CSMD1: variants seen among roughly 807,000 people sequenced by gnomAD.
CSMD1 encodes CUB and Sushi multiple domains 1.
Under a neutral mutation model 417.5 loss-of-function variants are expected in CSMD1, and 213 were observed. The ratio of observed to expected loss-of-function variants is 0.51; its 90% CI spans 0.46 to 0.57. The LOEUF (loss-of-function observed/expected upper bound fraction) is 0.57, where lower values mean the gene tolerates loss of function less well. Among genes scored for constraint, CSMD1 ranks in the 20% least tolerant of loss-of-function variants. The probability of loss-of-function intolerance (pLI) is 0.00; values close to 1 mark genes in which losing one functional copy is unlikely to be tolerated. For missense variants in CSMD1, 6,923 were observed against 4,529.7 expected (o/e 1.53, Z -15.17); for synonymous variants, 2,862 against 1,736.8 (o/e 1.65, Z -16.11).
chr8:4,305,160 T>A (rs185128376), intron 3 of CSMD1, among the ~76,000 whole-genome samples: 29 of 152,358 alleles, frequency 1.9e-4, no homozygotes, highest in African/African-American at 7.0e-4. Flanking sequence ...TTTTGAAAGA[T>A]AGTTTTTAAC....
intron 7 of CSMD1, among the ~76,000 whole-genome samples, chr8:3,646,730 G>A (rs963132717): frequency 1.3e-5 from 2 of 152,072 alleles, no homozygotes; most frequent in African/African-American, 4.8e-5. Context: ...TGGCTCCGGT[G>A]CCTCCTCTGA....
chr8:3,041,927 G>C (rs537248455), intron 50 of CSMD1, among the ~76,000 whole-genome samples: 1 of 152,114 alleles, frequency 6.6e-6, no homozygotes, highest in Non-Finnish European at 1.5e-5. Context: ...TTGACATCAC[G>C]GTCCTCTTGG....
At chr8:4,295,666 T>C in intron 3 of CSMD1, among the ~76,000 whole-genome samples, 1 of 144,644 alleles carries the variant, frequency 6.9e-6, no homozygotes, top group South Asian at 2.1e-4. Flanking sequence ...AATCTTAAGA[T>C]TACATATGTT....
In CSMD1 at chr8:3,666,682, A is replaced by G. The variant is rs551169123; in HGVS notation, c.1009+41732T>C. On this transcript the variant is annotated intron_variant, in intron 7 of 69. Coordinates refer to ENST00000635120, the MANE Select transcript of CSMD1 (RefSeq NM_033225.6). ...CCCCATACTGTTCTCATGGTAGTGAATAAGTCTCATGCAATCTGATGTCTT... is the reference window on the plus strand; with the variant it reads ...CCCCATACTGTTCTCATGGTAGTGAGTAAGTCTCATGCAATCTGATGTCTT... Among the ~76,000 whole-genome samples, 39 of 152,308 alleles carry G rather than the reference A, an allele frequency of 2.6e-4. No individual in the cohort carries two copies. The East Asian group carries it at 5.0e-3, about 20-fold the overall frequency.
intron 1 of CSMD1, among the ~76,000 whole-genome samples, chr8:4,902,275 T>TAAAA (rs199601817): frequency 0.05 from 7,382 of 146,676 alleles, 292 homozygotes; most frequent in East Asian, 0.21. Flanking sequence ...CTCTATCTAT[T>TAAAA]AAAAAAAAAA....
chr8:3,782,617 C>A (rs560660848), intron 5 of CSMD1, among the ~76,000 whole-genome samples: 12 of 152,278 alleles, frequency 7.9e-5, no homozygotes, highest in African/African-American at 2.6e-4. Flanking sequence ...GCACGTTGTG[C>A]ACATGTACCC....
At chr8:3,148,563 G>C (rs570256590) in intron 40 of CSMD1, among the ~76,000 whole-genome samples, 1 of 152,198 alleles carries the variant, frequency 6.6e-6, no homozygotes, top group Non-Finnish European at 1.5e-5. Flanking sequence ...TTCAAGTTCT[G>C]GTAGTGGATA....
At chr8:3,904,945 C>T (rs572481739) in intron 5 of CSMD1, among the ~76,000 whole-genome samples, 27 of 152,188 alleles carry the variant, frequency 1.8e-4, no homozygotes, top group African/African-American at 2.6e-4. Context: ...CCCCAAAATA[C>T]GTATTTTCCT....
At chr8:3,914,334 G>A (rs1021699848) in intron 5 of CSMD1, among the ~76,000 whole-genome samples, 1 of 151,872 alleles carries the variant, frequency 6.6e-6, no homozygotes, top group Non-Finnish European at 1.5e-5. Flanking sequence ...ATGGGGCCTA[G>A]AGGGTATCAG....
At chr8:4,169,712 C>G (rs1797659155) in intron 3 of CSMD1, among the ~76,000 whole-genome samples, 1 of 152,092 alleles carries the variant, frequency 6.6e-6, no homozygotes, top group South Asian at 2.1e-4. Flanking sequence ...ATGGCTTGCT[C>G]CCTACCCCAT....
At chr8:4,869,993 G>A (rs1475148636) in intron 1 of CSMD1, among the ~76,000 whole-genome samples, 6 of 152,016 alleles carry the variant, frequency 3.9e-5, no homozygotes, top group Admixed American at 3.9e-4. Flanking sequence ...TGAAAATAAT[G>A]CATAACACAT....
intron 2 of CSMD1, among the ~76,000 whole-genome samples, chr8:4,475,957 G>T (rs1800781769): frequency 6.6e-6 from 1 of 151,902 alleles, no homozygotes; most frequent in African/African-American, 2.4e-5. Context: ...GTTTCATTTT[G>T]TTGTCTGTAT....
intron 41 of CSMD1, among the ~76,000 whole-genome samples, chr8:3,137,597 T>C (rs974095173): frequency 1.3e-5 from 2 of 152,230 alleles, no homozygotes; most frequent in Non-Finnish European, 2.9e-5. Context: ...AGGAGGAATA[T>C]AAAATAATGG....
At chr8:4,721,576 G>A (rs915034508) in intron 1 of CSMD1, among the ~76,000 whole-genome samples, 3 of 152,170 alleles carry the variant, frequency 2.0e-5, no homozygotes, top group African/African-American at 4.8e-5. Flanking sequence ...TGACAAAGAT[G>A]TAAAGAAATG....
chr8:4,366,827 G>C lies in CSMD1; in HGVS notation c.415+53126C>G, dbSNP rs541409648. Among the ~76,000 whole-genome samples, 376 of 152,108 alleles carry C rather than the reference G, an allele frequency of 2.5e-3. 2 individuals carry two copies. The highest frequency in any genetic ancestry group is 8.7e-3 in the African/African-American group (359 of 41,498). The stretch of plus-strand genomic sequence containing the variant: ...CACCCATTAACTCGTCATTTGGTTT[G>C]CTGGCTGCTTGTTTATCTTCTTTTG... On this transcript the variant is annotated intron_variant, in intron 3 of 69. Coordinates refer to ENST00000635120, the MANE Select transcript of CSMD1 (RefSeq NM_033225.6).
At chr8:4,529,993 C>A (rs1408810998) in intron 2 of CSMD1, among the ~76,000 whole-genome samples, 2 of 152,010 alleles carry the variant, frequency 1.3e-5, no homozygotes, top group African/African-American at 4.8e-5. Context: ...CGGCTCACTG[C>A]AAGCCCCGCC....
intron 3 of CSMD1, among the ~76,000 whole-genome samples, chr8:4,086,702 G>A (rs942995705): frequency 1.3e-5 from 2 of 152,142 alleles, no homozygotes; most frequent in Non-Finnish European, 2.9e-5. Flanking sequence ...ACTTCTTCAG[G>A]TACCCAGGTA....
chr8:4,209,051 C>G (rs1800149378), intron 3 of CSMD1, among the ~76,000 whole-genome samples: 1 of 152,184 alleles, frequency 6.6e-6, no homozygotes, highest in Non-Finnish European at 1.5e-5. Flanking sequence ...TCTCTGACTT[C>G]TTGCTTCTTG....
intron 5 of CSMD1, among the ~76,000 whole-genome samples, chr8:3,802,062 T>C (rs1337498109): frequency 2.0e-5 from 3 of 152,144 alleles, no homozygotes; most frequent in East Asian, 1.9e-4. Flanking sequence ...TTGCACACTT[T>C]ATGTGGATAA....
Sources: allele counts gnomAD v4.1 joint callset (sites outside exome capture counted in the v4.1 genomes callset), GRCh38; gene constraint gnomAD v4.1.1; transcripts MANE v1.5; gene names NCBI Gene and HGNC (gene_info 2026-07-23, HGNC 2026-07-21).